The following ADGB variants were observed in gnomAD, a reference collection of about 807,000 sequenced individuals.
ADGB encodes the protein androglobin.
A neutral mutation model predicts 210.5 loss-of-function variants in ADGB; 172 were observed. The ratio of observed to expected loss-of-function variants is 0.82; its 90% CI spans 0.72 to 0.93. The LOEUF (loss-of-function observed/expected upper bound fraction) is 0.93, where lower values mean the gene tolerates loss of function less well. Ranked by LOEUF, ADGB falls within the 40% of genes least tolerant of loss-of-function variation. The pLI is 0.00. For synonymous variants in ADGB, 658 were observed against 662.7 expected (o/e 0.99, Z 0.11); for missense variants, 2,025 against 1,964.8 (o/e 1.03, Z -0.58).
chr6:146,792,728 C>A (rs1049924616), intron 33 of ADGB, among the ~76,000 whole-genome samples: 1 of 152,076 alleles, frequency 6.6e-6, no homozygotes, highest in African/African-American at 2.4e-5. Context: ...GAAATAAGAA[C>A]AGGGAGGAAA....
intron 22 of ADGB, among the ~76,000 whole-genome samples, chr6:146,735,425 A>G (rs1173597448): frequency 6.6e-6 from 1 of 152,212 alleles, no homozygotes; most frequent in Non-Finnish European, 1.5e-5. Context: ...GGAGGGATAG[A>G]GAGAGCCAGA....
intron 27 of ADGB, among the ~76,000 whole-genome samples, chr6:146,752,932 A>G (rs914440523): frequency 2.0e-5 from 3 of 152,086 alleles, no homozygotes; most frequent in Non-Finnish European, 4.4e-5. Flanking sequence ...AGAAAAATTT[A>G]CTTTCCTATT....
At chr6:146,697,794 G>A (rs1776427792) in intron 12 of ADGB, among the ~76,000 whole-genome samples, 2 of 152,102 alleles carry the variant, frequency 1.3e-5, no homozygotes. Context: ...GACTCAGGAA[G>A]TCCTAAAAAG....
intron 26 of ADGB, among the ~76,000 whole-genome samples, chr6:146,748,577 CCT>C (rs1441932693): frequency 6.6e-6 from 1 of 152,100 alleles, no homozygotes; most frequent in African/African-American, 2.4e-5. Flanking sequence ...CCCCTGTGTG[CCT>C]CTGTTTCCAA....
intron 25 of ADGB, among the ~76,000 whole-genome samples, chr6:146,741,641 G>T (rs961142096): frequency 6.6e-6 from 1 of 152,098 alleles, no homozygotes; most frequent in African/African-American, 2.4e-5. Context: ...TTCCCACTGG[G>T]TTTTTATTCT....
chr6:146,748,613 A>G (rs80345405), intron 26 of ADGB, among the ~76,000 whole-genome samples: 5,321 of 152,104 alleles, frequency 0.035, 114 homozygotes, highest in Middle Eastern at 0.058. Flanking sequence ...TTTAGAGACA[A>G]TCTCACTTTG....
intron 8 of ADGB, among the ~76,000 whole-genome samples, chr6:146,675,927 G>A (rs1456087661): frequency 2.6e-5 from 4 of 152,168 alleles, no homozygotes; most frequent in Admixed American, 1.3e-4. Flanking sequence ...GAAAATCTGA[G>A]AGGGCTCTAC....
Position 146,717,756 on chromosome 6 carries a change from C to T in ADGB, c.1992+157C>T, listed in dbSNP as rs1021544311. On this transcript the variant is annotated intron_variant, in intron 16 of 35. Coordinates refer to ENST00000397944, the MANE Select transcript of ADGB (RefSeq NM_024694.4). The stretch of plus-strand genomic sequence containing the variant: ...AGTCTCTCACTAATCCTTATCCAAG[C>T]AATAAGCAAAATTCCACTAGCTCAT... Among the ~76,000 whole-genome samples the T allele has an allele frequency of 3.7e-4, 56 of 152,172 alleles. 1 individual carries two copies. The highest frequency in any genetic ancestry group is 1.1e-3 in the Admixed American group (17 of 15,282).
chr6:146,668,637 A>T (rs2114898838), intron 7 of ADGB, among the ~76,000 whole-genome samples: 1 of 152,210 alleles, frequency 6.6e-6, no homozygotes, highest in African/African-American at 2.4e-5. Flanking sequence ...CTTAGTGTTG[A>T]TGGAATGCTT....
Position 146,746,673 on chromosome 6 carries a change from A to C in ADGB, c.3365+564A>C, listed in dbSNP as rs567628046. Among the ~76,000 whole-genome samples the C allele has an allele frequency of 2.6e-4, 40 of 152,098 alleles. 1 individual carries two copies. In the South Asian group the frequency reaches 8.3e-3, roughly 32 times the overall value. On this transcript the variant is annotated intron_variant, in intron 26 of 35. Coordinates refer to ENST00000397944, the MANE Select transcript of ADGB (RefSeq NM_024694.4). ...CTATCCATTTACATACTCATCCTTT[A>C]CTTCCACAGTAATTGCCTTTCAACC... is the stretch of plus-strand genomic sequence containing the variant.
chr6:146,694,973 C>T (rs917584741), intron 12 of ADGB, among the ~76,000 whole-genome samples: 11 of 152,128 alleles, frequency 7.2e-5, no homozygotes, highest in African/African-American at 2.7e-4. Context: ...GCTAAATTAA[C>T]CACTTGTAAT....
At position 146,814,145 on chromosome 6, in the gene ADGB, C is replaced by T. The variant is rs550316229; in HGVS notation, c.4819-887C>T. Among the ~76,000 whole-genome samples the T allele has an allele frequency of 1.8e-4, 28 of 152,130 alleles. No homozygotes were observed. The South Asian group carries it at 4.8e-3, about 26-fold the overall frequency. On this transcript the variant is annotated intron_variant, in intron 35 of 35. Transcript: ENST00000397944. ...TCTTTTGTAAAAACTTCAGGAAGTC[C>T]GATTCTGACATCCAGCTTTTCCAAC...
At chr6:146,607,120 G>C (rs1309495812) in intron 1 of ADGB, among the ~76,000 whole-genome samples, 1 of 152,040 alleles carries the variant, frequency 6.6e-6, no homozygotes, top group Non-Finnish European at 1.5e-5. Flanking sequence ...TCATCTCCTT[G>C]GTTAGCTATA....
chr6:146,724,260 C>G lies in ADGB; in HGVS notation c.2170C>G (p.Pro724Ala). The G allele has an allele frequency of 6.4e-7, 1 of 1,551,248 alleles. No individual in the cohort carries two copies. Residue 724 changes from proline to alanine, a missense_variant, in exon 18 of 36, where the codon CCA (proline) becomes GCA (alanine). Coordinates refer to ENST00000397944, the MANE Select transcript of ADGB (RefSeq NM_024694.4). ...AACGTTTTCTTGGAAATCCCTGAAACCAGGCAGTCTTGTTCTGAAGATTCA... is the reference window on the plus strand; with the variant it reads ...AACGTTTTCTTGGAAATCCCTGAAAGCAGGCAGTCTTGTTCTGAAGATTCA... ...AETFSWKSLK[P>A]GSLVLKIHTY...
At position 146,637,790 on chromosome 6, in the gene ADGB, T is replaced by C. The variant is rs1004862571; in HGVS notation, c.237+2253T>C. Reference sequence around the variant, plus strand: ...ATCATTCATTAAAAATTATTAAGCATGTGAATCCTACCAGATGTACAAAGA... The same window carrying C: ...ATCATTCATTAAAAATTATTAAGCACGTGAATCCTACCAGATGTACAAAGA... On this transcript the variant is annotated intron_variant, in intron 2 of 35. Coordinates refer to ENST00000397944, the MANE Select transcript of ADGB (RefSeq NM_024694.4). Among the ~76,000 whole-genome samples the C allele has an allele frequency of 3.3e-5, 5 of 152,086 alleles. No individual in the cohort carries two copies. In the East Asian group the frequency reaches 9.7e-4, roughly 29 times the overall value.
chr6:146,649,050 C>A (rs1169028675), intron 3 of ADGB, among the ~76,000 whole-genome samples: 1 of 151,704 alleles, frequency 6.6e-6, no homozygotes, highest in Non-Finnish European at 1.5e-5. Flanking sequence ...AGTCTTCCTA[C>A]AAGCATTTAT....
chr6:146,788,694 G>C (rs1030340687), intron 33 of ADGB, 84 bp downstream of exon 33: 3 of 1,194,516 alleles, frequency 2.5e-6, no homozygotes, highest in Non-Finnish European at 3.6e-6. Flanking sequence ...CATCAGTGAC[G>C]GCTAGGGCTA....
intron 26 of ADGB, among the ~76,000 whole-genome samples, chr6:146,749,789 G>A (rs1777292350): frequency 6.6e-6 from 1 of 152,030 alleles, no homozygotes; most frequent in Non-Finnish European, 1.5e-5. Flanking sequence ...AAGACGAAAA[G>A]GAAGCAGGAA....
chr6:146,625,032 G>A (rs116572143), intron 1 of ADGB, among the ~76,000 whole-genome samples: 2,945 of 152,112 alleles, frequency 0.019, 41 homozygotes, highest in Middle Eastern at 0.056. Flanking sequence ...TGAAAAGAAT[G>A]TGTATTCTGT....
Sources: gnomAD v4.1 joint callset for allele counts (sites outside exome capture counted in the v4.1 genomes callset) on GRCh38, gnomAD v4.1.1 for gene constraint, MANE v1.5 for transcripts, NCBI Gene and HGNC (gene_info 2026-07-23, HGNC 2026-07-21) for gene names.